Variants in ZNF804B observed in about 807,000 individuals in gnomAD.
ZNF804B encodes the protein zinc finger 804B.
ZNF804B carries 80 observed loss-of-function variants against 101.4 expected under a neutral mutation model. That is an observed-to-expected ratio of 0.79 (90% CI 0.66 to 0.95). ZNF804B has a LOEUF of 0.95. Among genes scored for constraint, ZNF804B ranks in the 40% least tolerant of loss-of-function variants. The pLI is 0.00. For synonymous variants in ZNF804B, 622 were observed against 558.8 expected (o/e 1.11, Z -1.59); for missense variants, 1,673 against 1,561.9 (o/e 1.07, Z -1.20).
At chr7:88,962,692 A>G (rs1263801691) in intron 1 of ZNF804B, among the ~76,000 whole-genome samples, 1 of 115,742 alleles carries the variant, frequency 8.6e-6, no homozygotes, top group Admixed American at 9.7e-5. Flanking sequence ...AAAAGTTATA[A>G]ATGTTGTTAA....
At chr7:88,866,035 T>C (rs1453296494) in intron 1 of ZNF804B, among the ~76,000 whole-genome samples, 2 of 152,236 alleles carry the variant, frequency 1.3e-5, no homozygotes, top group African/African-American at 4.8e-5. Context: ...TGGTTCAATG[T>C]CTTGTCCACA....
chr7:89,322,702 C>T lies in ZNF804B; in HGVS notation c.250-4642C>T, dbSNP rs112938479. Among the ~76,000 whole-genome samples the T allele has an allele frequency of 9.2e-3, 1,405 of 152,138 alleles. 23 individuals are homozygous for T. Among genetic ancestry groups the T allele is most frequent in the African/African-American group, 0.032 (1,331 of 41,526 alleles). ...ATGTGAAACAATCTTGAAAGAAACA[C>T]ATTACCAAAACTCACTCAGAAAAGA... On this transcript the variant is annotated intron_variant, in intron 2 of 3. Transcript: ENST00000333190.
chr7:89,254,874 G>A (rs1789601818), intron 2 of ZNF804B, among the ~76,000 whole-genome samples: 1 of 152,002 alleles, frequency 6.6e-6, no homozygotes, highest in South Asian at 2.1e-4. Context: ...GGGAACTCCT[G>A]ACCCCAGGCA....
At chr7:88,832,382 C>T (rs1331996952) in intron 1 of ZNF804B, among the ~76,000 whole-genome samples, 2 of 151,950 alleles carry the variant, frequency 1.3e-5, no homozygotes, top group African/African-American at 4.8e-5. Flanking sequence ...CACACCTTCC[C>T]ACCCAAGCTA....
At position 89,337,478 on chromosome 7, in the gene ZNF804B, T is replaced by A. The variant is rs959249185; in HGVS notation, c.*446T>A. On this transcript the variant is annotated 3_prime_UTR_variant, in exon 4 of 4. Coordinates refer to ENST00000333190, the MANE Select transcript of ZNF804B (RefSeq NM_181646.5). ...AGGTCAGTGAAATGAAGCAATTATT[T>A]AAAGTAATTTATGTCGTTAACTATT... 2.0e-5 allele frequency among the ~76,000 whole-genome samples: 3 copies of A among 152,154 alleles called. No individual in the cohort carries two copies. Among genetic ancestry groups the A allele is most frequent in the African/African-American group, 7.2e-5 (3 of 41,452 alleles).
At chr7:88,986,367 C>T (rs1396633839) in intron 1 of ZNF804B, among the ~76,000 whole-genome samples, 1 of 152,002 alleles carries the variant, frequency 6.6e-6, no homozygotes, top group African/African-American at 2.4e-5. Context: ...TGTCTATTTC[C>T]CTGCTTTTGC....
At chr7:88,853,094 A>AT (rs1161888225) in intron 1 of ZNF804B, among the ~76,000 whole-genome samples, 5 of 152,168 alleles carry the variant, frequency 3.3e-5, no homozygotes, top group Admixed American at 1.3e-4. Flanking sequence ...TTAGATAGGT[A>AT]TTTGCACATG....
At chr7:89,063,296 A>C (rs2116285062) in intron 1 of ZNF804B, among the ~76,000 whole-genome samples, 1 of 152,294 alleles carries the variant, frequency 6.6e-6, no homozygotes, top group Non-Finnish European at 1.5e-5. Context: ...CAAGACTTGG[A>C]AAACATATAG....
At chr7:89,001,518 G>A (rs1030423143) in intron 1 of ZNF804B, among the ~76,000 whole-genome samples, 1 of 151,854 alleles carries the variant, frequency 6.6e-6, no homozygotes, top group African/African-American at 2.4e-5. Flanking sequence ...CTGTCAGCCT[G>A]TGTCAGATAG....
chr7:88,982,419 TTAAC>T (rs1562850542), intron 1 of ZNF804B, among the ~76,000 whole-genome samples: 1 of 152,086 alleles, frequency 6.6e-6, no homozygotes, highest in African/African-American at 2.4e-5. Context: ...ACTGAATGGC[TTAAC>T]TAACAGAAAT....
chr7:89,003,280 A>G (rs1008674794), intron 1 of ZNF804B, among the ~76,000 whole-genome samples: 2 of 151,986 alleles, frequency 1.3e-5, no homozygotes, highest in African/African-American at 4.8e-5. Flanking sequence ...ATATGGGACT[A>G]AGGCACTGCA....
chr7:88,782,953 C>A (rs941678206), intron 1 of ZNF804B, among the ~76,000 whole-genome samples: 3 of 152,170 alleles, frequency 2.0e-5, no homozygotes, highest in African/African-American at 7.2e-5. Context: ...CTAAACATTT[C>A]TTCAGTTACA....
At chr7:88,897,159 G>A (rs529083382) in intron 1 of ZNF804B, among the ~76,000 whole-genome samples, 2 of 152,222 alleles carry the variant, frequency 1.3e-5, no homozygotes, top group East Asian at 1.9e-4. Flanking sequence ...GTTACCTTAC[G>A]TAGCATAAGG....
intron 2 of ZNF804B, among the ~76,000 whole-genome samples, chr7:89,274,663 C>G (rs1278280131): frequency 6.6e-6 from 1 of 151,782 alleles, no homozygotes; most frequent in African/African-American, 2.4e-5. Flanking sequence ...GACCTGCTTA[C>G]TTTTGTACTT....
chr7:89,281,224 T>C (rs1361625689), intron 2 of ZNF804B, among the ~76,000 whole-genome samples: 2 of 152,232 alleles, frequency 1.3e-5, no homozygotes, highest in East Asian at 3.9e-4. Flanking sequence ...AAGTTGGGTT[T>C]AAAATATTAA....
intron 2 of ZNF804B, among the ~76,000 whole-genome samples, chr7:89,320,890 T>C (rs1195180281): frequency 6.6e-6 from 1 of 151,990 alleles, no homozygotes; most frequent in African/African-American, 2.4e-5. Flanking sequence ...AAACTAGAAA[T>C]ACATATCCAA....
chr7:89,053,070 G>T (rs961109295), intron 1 of ZNF804B, among the ~76,000 whole-genome samples: 2 of 151,950 alleles, frequency 1.3e-5, no homozygotes, highest in Non-Finnish European at 1.5e-5. Flanking sequence ...TTTAATTCAG[G>T]TATAATTATA....
intron 1 of ZNF804B, among the ~76,000 whole-genome samples, chr7:88,770,932 T>A (rs1223200110): frequency 6.6e-6 from 1 of 152,234 alleles, no homozygotes; most frequent in African/African-American, 2.4e-5. Flanking sequence ...TTGAAATTTA[T>A]GCAATTCGAA....
intron 2 of ZNF804B, among the ~76,000 whole-genome samples, chr7:89,229,003 GC>G (rs2115733144): frequency 6.6e-6 from 1 of 152,308 alleles, no homozygotes; most frequent in South Asian, 2.1e-4. Context: ...TGCCGGCGGG[GC>G]CGGCCGGCTG....
Sources: allele counts gnomAD v4.1 joint callset (sites outside exome capture counted in the v4.1 genomes callset), GRCh38; gene constraint gnomAD v4.1.1; transcripts MANE v1.5; gene names NCBI Gene and HGNC (gene_info 2026-07-23, HGNC 2026-07-21).